Variants in SORBS2 observed in about 807,000 individuals in gnomAD.
The protein encoded by SORBS2 is sorbin and SH3 domain containing 2.
SORBS2 carries 46 observed loss-of-function variants against 97.7 expected under a neutral mutation model. The observed-to-expected ratio is 0.47, with a 90% CI of 0.37 to 0.60. The LOEUF is 0.60. Among genes scored for constraint, SORBS2 ranks in the 20% least tolerant of loss-of-function variants. The pLI, the probability that SORBS2 is intolerant of heterozygous loss-of-function variation, is 0.00. For synonymous variants in SORBS2, 476 were observed against 473.4 expected (o/e 1.01, Z -0.07); for missense variants, 1,316 against 1,282.3 (o/e 1.03, Z -0.40).
chr4:185,642,262 C>T (rs944500145), intron 4 of SORBS2, among the ~76,000 whole-genome samples: 1 of 152,096 alleles, frequency 6.6e-6, no homozygotes, highest in Non-Finnish European at 1.5e-5. Flanking sequence ...CATTTCAACT[C>T]TGCTACAGTG....
chr4:185,912,871 C>T (rs1402885714), intron 1 of SORBS2, among the ~76,000 whole-genome samples: 2 of 152,188 alleles, frequency 1.3e-5, no homozygotes, highest in East Asian at 3.9e-4. Flanking sequence ...GCATTAAACA[C>T]TCACCTTCCC....
chr4:185,757,042 T>C, intron 2 of SORBS2: 1 of 826,162 alleles, frequency 1.2e-6, no homozygotes, highest in Non-Finnish European at 2.1e-6. Flanking sequence ...TCTTGCATGA[T>C]GAACTTCGCA....
At chr4:185,793,357 C>CCACATAATTT (rs2099090096) in intron 1 of SORBS2, among the ~76,000 whole-genome samples, 1 of 152,202 alleles carries the variant, frequency 6.6e-6, no homozygotes, top group Non-Finnish European at 1.5e-5. Context: ...TCTATCCTGT[C>CCACATAATTT]ATCATTTTTG....
intron 1 of SORBS2, among the ~76,000 whole-genome samples, chr4:185,891,561 T>C (rs1177550178): frequency 1.3e-5 from 2 of 152,284 alleles, no homozygotes; most frequent in African/African-American, 2.4e-5. Flanking sequence ...TTTTGAAATG[T>C]CTTTTCAGGT....
At chr4:185,810,959 T>C (rs145219495) in intron 1 of SORBS2, 1 of 152,192 alleles carries the variant, frequency 6.6e-6, no homozygotes, top group East Asian at 1.9e-4. Context: ...TAGAACTCAA[T>C]GCAGAGGCTT....
At chr4:185,814,119 T>C (rs1425451083) in intron 1 of SORBS2, among the ~76,000 whole-genome samples, 1 of 152,190 alleles carries the variant, frequency 6.6e-6, no homozygotes, top group Non-Finnish European at 1.5e-5. Context: ...GACAAAATGC[T>C]GGCATGTTAC....
intron 1 of SORBS2, among the ~76,000 whole-genome samples, chr4:185,865,808 A>G (rs2099226555): frequency 6.6e-6 from 1 of 152,190 alleles, no homozygotes; most frequent in Non-Finnish European, 1.5e-5. Flanking sequence ...CCAATTTTTT[A>G]TCAGATACTG....
chr4:185,913,562 C>A lies in SORBS2; in HGVS notation c.-338+42634G>T, dbSNP rs186380533. On this transcript the variant is annotated intron_variant, in intron 1 of 20. Transcript: ENST00000284776. ...TGTTAAACGGTAAGACTGAAGAAGT[C>A]ACTTCCTATTAAACATTTTCTCATT... is the stretch of plus-strand genomic sequence containing the variant. Among the ~76,000 whole-genome samples the A allele has an allele frequency of 2.0e-5, 3 of 152,298 alleles. No homozygotes were observed. The East Asian group carries it at 5.8e-4, about 29-fold the overall frequency.
intron 2 of SORBS2, among the ~76,000 whole-genome samples, chr4:185,688,754 T>C (rs2098030943): frequency 6.6e-6 from 1 of 152,164 alleles, no homozygotes; most frequent in Non-Finnish European, 1.5e-5. Context: ...TGTGTGTATA[T>C]ATATACATAT....
Position 185,623,229 on chromosome 4 carries a change from C to T in SORBS2, c.1900G>A (p.Ala634Thr), listed in dbSNP as rs1179778580. The change falls in exon 7 of 15, where the codon GCT (alanine) becomes ACT (threonine). Residue 634 changes from alanine to threonine, a missense_variant. Ala to Thr is a moderately conservative substitution (Grantham distance 58). Transcript: ENST00000418609. The surrounding 1 kb of genome is among the most constrained non-coding windows in gnomAD (Gnocchi z 6.4). ...ATGTCTTTAAGGGCAGAGTCCAGAG[C>T]CTCAAACACAGATGCTTTACATTTT... The T allele has an allele frequency of 4.3e-6, 7 of 1,613,982 alleles. No homozygotes were observed. The highest frequency in any genetic ancestry group is 5.9e-6 in the Non-Finnish European group (7 of 1,180,032).
chr4:185,758,436 TCTC>T (rs1188937865), intron 2 of SORBS2, among the ~76,000 whole-genome samples: 2 of 152,112 alleles, frequency 1.3e-5, no homozygotes, highest in African/African-American at 4.8e-5. Context: ...TTGATAGGGT[TCTC>T]CTCCTCCTCC....
At chr4:185,652,340 A>G (rs907166173) in intron 2 of SORBS2, among the ~76,000 whole-genome samples, 1 of 151,852 alleles carries the variant, frequency 6.6e-6, no homozygotes, top group African/African-American at 2.4e-5. Flanking sequence ...GAGAGCAGAC[A>G]GGGGTGGACA....
intron 1 of SORBS2, among the ~76,000 whole-genome samples, chr4:185,861,875 G>T (rs1285065426): frequency 6.6e-6 from 1 of 152,154 alleles, no homozygotes; most frequent in Non-Finnish European, 1.5e-5. Context: ...GGGATTACAG[G>T]CGTGAGCCAC....
rs542783319 is a variant in SORBS2 at position 185,936,163 on chromosome 4, G to A, written c.-338+20033C>T. Among the ~76,000 whole-genome samples, 3 of 152,326 alleles carry A rather than the reference G, an allele frequency of 2.0e-5. No homozygotes were observed. In the East Asian group the frequency reaches 5.8e-4, roughly 29 times the overall value. On this transcript the variant is annotated intron_variant, in intron 1 of 20. Transcript: ENST00000284776. ...CGTGAGCCATTGCACCTGGCCAACG[G>A]TAAGTTTTCAATGAGGAGACACGTG...
At chr4:185,812,246 G>C (rs2099187906) in intron 1 of SORBS2, 52 bp from the exon 1 acceptor site, 1 of 152,254 alleles carries the variant, frequency 6.6e-6, no homozygotes, top group South Asian at 2.1e-4. Flanking sequence ...CTCTGCTGCA[G>C]ACAGCTCATT....
At chr4:185,806,508 A>T (rs1270679389) in intron 1 of SORBS2, among the ~76,000 whole-genome samples, 1 of 118,576 alleles carries the variant, frequency 8.4e-6, no homozygotes, top group Non-Finnish European at 1.6e-5. Flanking sequence ...CCCAGGCTGG[A>T]GTGCAGTGGC....
chr4:185,836,547 C>T (rs976644364), intron 1 of SORBS2, among the ~76,000 whole-genome samples: 1 of 152,136 alleles, frequency 6.6e-6, no homozygotes, highest in African/African-American at 2.4e-5. Context: ...TTAGGGAAAT[C>T]GCTCATTTCT....
At chr4:185,807,675 G>C (rs1318985314) in intron 1 of SORBS2, among the ~76,000 whole-genome samples, 1 of 152,226 alleles carries the variant, frequency 6.6e-6, no homozygotes, top group Non-Finnish European at 1.5e-5. Context: ...AGTTGCAGAA[G>C]TGTTTCCTTT....
intron 1 of SORBS2, among the ~76,000 whole-genome samples, chr4:185,824,344 C>G (rs895424133): frequency 6.6e-6 from 1 of 152,184 alleles, no homozygotes; most frequent in Non-Finnish European, 1.5e-5. Flanking sequence ...ACAGATTTCT[C>G]TTTTCTTATA....
Sources: gnomAD v4.1 joint callset for allele counts (sites outside exome capture counted in the v4.1 genomes callset) on GRCh38, gnomAD v4.1.1 for gene constraint, Gnocchi (gnomAD v3.1) non-coding constraint, MANE v1.5 for transcripts, NCBI Gene and HGNC (gene_info 2026-07-23, HGNC 2026-07-21) for gene names.